The following OR14I1 variants were observed in gnomAD, a reference collection of about 807,000 sequenced individuals.
OR14I1 encodes olfactory receptor family 14 subfamily I member 1.
For synonymous variants in OR14I1, 118 were observed against 71.1 expected (o/e 1.66, Z -3.32); for missense variants, 279 against 181.8 (o/e 1.53, Z -3.07).
chr1:248,680,893 C>T (rs1334663382), downstream of OR14I1, among the ~76,000 whole-genome samples: 1 of 151,760 alleles, frequency 6.6e-6, no homozygotes, highest in African/African-American at 2.4e-5. Flanking sequence ...ACATACGTTC[C>T]TGTTCTAATA....
chr1:248,702,192 G>C, the OR14I1 span, among the ~76,000 whole-genome samples: 3 of 152,100 alleles, frequency 2.0e-5, no homozygotes, highest in African/African-American at 7.2e-5. Context: ...GGTCCCCCAA[G>C]TCTTAACTCA....
the OR14I1 span, among the ~76,000 whole-genome samples, chr1:248,702,686 C>T: frequency 6.6e-6 from 1 of 152,072 alleles, no homozygotes; most frequent in African/African-American, 2.4e-5. Context: ...TGCTCAAAAT[C>T]CTCCAGTGTC....
upstream of OR14I1, among the ~76,000 whole-genome samples, chr1:248,685,824 G>T (rs1192055447): frequency 6.6e-6 from 1 of 150,880 alleles, no homozygotes; most frequent in Non-Finnish European, 1.5e-5. Flanking sequence ...TGTATATATA[G>T]TTACTGTTTA....
At chr1:248,698,365 G>C in the OR14I1 span, among the ~76,000 whole-genome samples, 3,131 of 152,134 alleles carry the variant, frequency 0.021, 112 homozygotes, top group African/African-American at 0.071. Flanking sequence ...AATCACAGTC[G>C]TAGCTTTTTT....
upstream of OR14I1, chr1:248,682,421 C>T (rs746440440): frequency 1.7e-6 from 1 of 598,270 alleles, no homozygotes; most frequent in Non-Finnish European, 3.0e-6. Flanking sequence ...ATTCAATCCA[C>T]TGGACATCTT....
At chr1:248,682,279 T>C in exon 1 of OR14I1, 1 of 753,214 alleles carries the variant, frequency 1.3e-6, no homozygotes, top group South Asian at 1.4e-5. Context: ...CAGCAGGAAT[T>C]CTGTCACTTT....
downstream of OR14I1, chr1:248,681,220 C>T: frequency 1.8e-6 from 1 of 558,754 alleles, no homozygotes; most frequent in Non-Finnish European, 3.1e-6. Flanking sequence ...TATAGTAGTG[C>T]AAATATTGTC....
chr1:248,693,049 T>C, the OR14I1 span, among the ~76,000 whole-genome samples: 2 of 152,364 alleles, frequency 1.3e-5, no homozygotes, highest in East Asian at 3.9e-4. Context: ...GAGCAGCCTC[T>C]AACTCTCCCT....
chr1:248,682,103 C>T, exon 1 of OR14I1: 1 of 780,960 alleles, frequency 1.3e-6, no homozygotes, highest in Middle Eastern at 2.3e-4. Flanking sequence ...TAGCACAGAT[C>T]CAAAACGGAG....
the OR14I1 span, among the ~76,000 whole-genome samples, chr1:248,693,182 C>T: frequency 2.0e-5 from 3 of 152,158 alleles, no homozygotes; most frequent in Non-Finnish European, 4.4e-5. Context: ...ACCTCCCAAG[C>T]CAGCCTCCCA....
downstream of OR14I1, among the ~76,000 whole-genome samples, chr1:248,680,004 GA>G (rs1315226106): frequency 6.6e-6 from 1 of 151,962 alleles, no homozygotes; most frequent in Non-Finnish European, 1.5e-5. Flanking sequence ...TCAAGAACAG[GA>G]AAAAACACAT....
the OR14I1 span, among the ~76,000 whole-genome samples, chr1:248,694,124 TAATCTC>T: frequency 3.9e-5 from 6 of 152,180 alleles, no homozygotes; most frequent in African/African-American, 9.7e-5. Context: ...AAGTGATACT[TAATCTC>T]ATACTTAACC....
chr1:248,690,164 A>C, the OR14I1 span, among the ~76,000 whole-genome samples: 1 of 152,330 alleles, frequency 6.6e-6, no homozygotes, highest in African/African-American at 2.4e-5. Context: ...CAAAATTAAA[A>C]GAACTAGAGA....
At chr1:248,695,136 G>A in the OR14I1 span, among the ~76,000 whole-genome samples, 5 of 151,222 alleles carry the variant, frequency 3.3e-5, no homozygotes, top group Admixed American at 1.3e-4. Context: ...TCTCTCTAAC[G>A]TTAACCATTG....
chr1:248,684,777 TAC>T (rs1553277688), upstream of OR14I1, among the ~76,000 whole-genome samples: 2 of 147,800 alleles, frequency 1.4e-5, no homozygotes, highest in African/African-American at 5.1e-5. Flanking sequence ...TATATATATA[TAC>T]ACACACACAC....
At chr1:248,697,513 G>A in the OR14I1 span, among the ~76,000 whole-genome samples, 6 of 151,228 alleles carry the variant, frequency 4.0e-5, no homozygotes, top group Non-Finnish European at 5.9e-5. Flanking sequence ...GGCCGGGCGC[G>A]GTAGCTCATG....
downstream of OR14I1, among the ~76,000 whole-genome samples, chr1:248,678,583 A>G (rs556082880): frequency 1.6e-4 from 24 of 152,340 alleles, no homozygotes; most frequent in African/African-American, 5.5e-4. Flanking sequence ...TTTTAATTCT[A>G]TTTTTAAATT....
the OR14I1 span, among the ~76,000 whole-genome samples, chr1:248,691,498 G>A: frequency 1.3e-5 from 2 of 152,238 alleles, no homozygotes; most frequent in South Asian, 4.1e-4. Context: ...GGAAGAGGGT[G>A]AGGCACAATA....
chr1:248,696,703 A>G, the OR14I1 span, among the ~76,000 whole-genome samples: 1 of 151,584 alleles, frequency 6.6e-6, no homozygotes. Flanking sequence ...TTCCTGACCA[A>G]CCCCGTGAAT....
Sources: gnomAD v4.1 joint callset for allele counts (sites outside exome capture counted in the v4.1 genomes callset) on GRCh38, gnomAD v4.1.1 for gene constraint, MANE v1.5 for transcripts, NCBI Gene and HGNC (gene_info 2026-07-23, HGNC 2026-07-21) for gene names.